UQCR10: variants seen among roughly 807,000 people sequenced by gnomAD.
The protein encoded by UQCR10 is cytochrome b-c1 complex subunit 9.
UQCR10 carries 5 observed loss-of-function variants against 6.0 expected under a neutral mutation model. The ratio of observed to expected loss-of-function variants is 0.83; its 90% confidence interval spans 0.43 to 1.74. The LOEUF is 1.74. Ranked by LOEUF, UQCR10 falls within the 40% of genes most tolerant of loss-of-function variation. The pLI, the probability that UQCR10 is intolerant of heterozygous loss-of-function variation, is 0.02. For missense variants in UQCR10, 101 were observed against 85.1 expected, an observed-to-expected ratio of 1.19 and a Z score of -0.74; for synonymous variants, 40 against 37.4, an observed-to-expected ratio of 1.07 and a Z score of -0.26.
At position 29,767,554 on chromosome 22, in the gene UQCR10, G is replaced by T. The variant is rs750596956; in HGVS notation, c.150+6G>T. 4 of 1,612,856 alleles carry T rather than the reference G, an allele frequency of 2.5e-6. No homozygotes were observed. The highest frequency in any genetic ancestry group is 3.4e-6 in the Non-Finnish European group (4 of 1,179,106). ...ACGACCACATCAACGAGGGGGTGAG[G>T]GCCTGTGCCATCCCTGACCTTGGAC... On this transcript the variant is annotated splice_donor_region_variant and intron_variant, in intron 1 of 1. Transcript: ENST00000330029.
intron 1 of UQCR10, among the ~76,000 whole-genome samples, chr22:29,768,559 T>G (rs2068241127): frequency 6.6e-6 from 1 of 152,146 alleles, no homozygotes; most frequent in African/African-American, 2.4e-5. Context: ...TGTTAACCAC[T>G]CCCATTGATC....
chr22:29,769,468 G>C lies in UQCR10; in HGVS notation c.151-210G>C, dbSNP rs562925841. On this transcript the variant is annotated intron_variant, in intron 1 of 1. Transcript: ENST00000330029. ...GCCGAGATTGCGCCACTACACTCCAGCCTGGGCGATAGAGCGAGTCTCCGT... is the reference window on the plus strand; with the variant it reads ...GCCGAGATTGCGCCACTACACTCCACCCTGGGCGATAGAGCGAGTCTCCGT... Among the ~76,000 whole-genome samples, 677 of 152,242 alleles carry C rather than the reference G, an allele frequency of 4.4e-3. 1 individual carries two copies. Among genetic ancestry groups the C allele is most frequent in the Non-Finnish European group, 5.6e-3 (383 of 68,032 alleles).
In UQCR10 at chr22:29,770,041, G is replaced by C; in HGVS notation, c.*322G>C. 2.1e-6 allele frequency: 1 copy of C among 477,522 alleles called. No individual in the cohort carries two copies. Among genetic ancestry groups the C allele is most frequent in the Non-Finnish European group, 4.0e-6 (1 of 251,380 alleles). 29.6% of individuals were successfully genotyped at this position (477,522 alleles called of 1,614,324 possible). On this transcript the variant is annotated 3_prime_UTR_variant, in exon 2 of 2. Transcript: ENST00000330029. ...AAAGCCCTCTGCAAACACCCCAAAGGCAGAATCTGCTATTTTGAGTTTTCC... is the reference window on the plus strand; with the variant it reads ...AAAGCCCTCTGCAAACACCCCAAAGCCAGAATCTGCTATTTTGAGTTTTCC...
chr22:29,769,445 C>T (rs541753666), intron 1 of UQCR10, among the ~76,000 whole-genome samples: 6 of 152,048 alleles, frequency 3.9e-5, no homozygotes, highest in East Asian at 3.9e-4. Flanking sequence ...TGCAGTGAGC[C>T]GAGATTGCGC....
intron 1 of UQCR10, among the ~76,000 whole-genome samples, chr22:29,768,627 G>T (rs140136): frequency 0.5 from 69,274 of 138,140 alleles, 16,330 homozygotes; most frequent in East Asian, 0.62. Context: ...GCTTTTTTTT[G>T]TTTTGTTTTG....
chr22:29,770,328 T>C lies in UQCR10; in HGVS notation c.*609T>C. The C allele has an allele frequency of 4.9e-6, 1 of 204,392 alleles. No individual in the cohort carries two copies. Among genetic ancestry groups the C allele is most frequent in the South Asian group, 8.1e-5 (1 of 12,396 alleles). 12.7% of individuals were successfully genotyped at this position (204,392 alleles called of 1,614,324 possible). A position where few individuals can be genotyped will look rare whatever the true frequency, so the allele number is the denominator to read the frequency against. Reference sequence around the variant, plus strand: ...GAATTGTCTTGGGCCACACATAAAATACAGTAACCATAGCTGATGAGCTAA... The same window carrying C: ...GAATTGTCTTGGGCCACACATAAAACACAGTAACCATAGCTGATGAGCTAA... On this transcript the variant is annotated 3_prime_UTR_variant, in exon 2 of 2. Coordinates refer to ENST00000330029, the MANE Select transcript of UQCR10 (RefSeq NM_013387.4).
At chr22:29,768,962 T>G (rs1227272069) in intron 1 of UQCR10, among the ~76,000 whole-genome samples, 1 of 152,184 alleles carries the variant, frequency 6.6e-6, no homozygotes, top group Non-Finnish European at 1.5e-5. Flanking sequence ...TCAGCCAATT[T>G]AGGTCCCAGG....
At chr22:29,768,882 C>T (rs1162747568) in intron 1 of UQCR10, among the ~76,000 whole-genome samples, 1 of 152,186 alleles carries the variant, frequency 6.6e-6, no homozygotes, top group Non-Finnish European at 1.5e-5. Context: ...CTGCCTTAGC[C>T]TTCTAAAGTA....
chr22:29,769,117 C>T (rs1331359257), intron 1 of UQCR10, among the ~76,000 whole-genome samples: 5 of 152,192 alleles, frequency 3.3e-5, no homozygotes, highest in Non-Finnish European at 5.9e-5. Context: ...CCCTCAATCT[C>T]AAACTGAATT....
rs763855413 is a variant in UQCR10, at chr22:29,769,787, A to T, written c.*68A>T. ...CCAGCAGCTGTTTGCCCAGAGCTGG[A>T]GCCTCAGCTTGAAGATGATGCTCAA... On this transcript the variant is annotated 3_prime_UTR_variant, in exon 2 of 2. Coordinates refer to ENST00000330029, the MANE Select transcript of UQCR10 (RefSeq NM_013387.4). The T allele has an allele frequency of 8.6e-5, 132 of 1,540,978 alleles. No individual in the cohort carries two copies. Among genetic ancestry groups the T allele is most frequent in the Non-Finnish European group, 1.1e-4 (126 of 1,130,068 alleles).
chr22:29,767,940 A>C (rs2068235535), intron 1 of UQCR10, among the ~76,000 whole-genome samples: 1 of 152,146 alleles, frequency 6.6e-6, no homozygotes, highest in African/African-American at 2.4e-5. Context: ...GGTCGTGAAA[A>C]GGACGTTAGA....
chr22:29,768,268 A>G (rs890704701), intron 1 of UQCR10, among the ~76,000 whole-genome samples: 5 of 152,176 alleles, frequency 3.3e-5, no homozygotes, highest in African/African-American at 1.2e-4. Flanking sequence ...CTCAGGAGAA[A>G]GTGGAAGCAT....
chr22:29,769,010 C>G (rs748988580), intron 1 of UQCR10, among the ~76,000 whole-genome samples: 2 of 152,168 alleles, frequency 1.3e-5, no homozygotes, highest in Non-Finnish European at 2.9e-5. Context: ...TATTTTGGGA[C>G]TACGCACTTA....
At chr22:29,768,923 A>T in intron 1 of UQCR10, among the ~76,000 whole-genome samples, 1 of 152,174 alleles carries the variant, frequency 6.6e-6, no homozygotes. Flanking sequence ...CACTGTGCTC[A>T]ACCTCTTGTG....
At position 29,767,423 on chromosome 22, in the gene UQCR10, A is replaced by C. The variant is rs771003671; in HGVS notation, c.25A>C (p.Lys9Gln). 1.9e-6 allele frequency: 3 copies of C among 1,613,422 alleles called. No individual in the cohort carries two copies. The highest frequency in any genetic ancestry group is 1.7e-5 in the Admixed American group (1 of 59,998). The change falls in exon 1 of 2, where the codon AAA becomes CAA. Residue 9 changes from lysine (K) to glutamine (Q), a missense_variant. Coordinates refer to ENST00000330029, the MANE Select transcript of UQCR10 (RefSeq NM_013387.4). MAAATLTSKLYSLLFRRTS... is the reference protein window; with the variant it reads MAAATLTSQLYSLLFRRTS... Reference sequence around the variant, plus strand: ...CATGGCGGCCGCGACGTTGACTTCGAAATTGTACTCCCTGCTGTTCCGCAG... The same window carrying C: ...CATGGCGGCCGCGACGTTGACTTCGCAATTGTACTCCCTGCTGTTCCGCAG...
intron 1 of UQCR10, 78 bp from the exon 2 acceptor site, chr22:29,769,600 G>A: frequency 7.0e-7 from 1 of 1,431,400 alleles, no homozygotes; most frequent in Non-Finnish European, 9.5e-7. Context: ...GCTCATTTTA[G>A]AGACCAGGGC....
chr22:29,769,577 G>A, intron 1 of UQCR10, 101 bp from the exon 2 acceptor site: 2 of 1,290,140 alleles, frequency 1.6e-6, no homozygotes, highest in South Asian at 1.4e-5. Context: ...GACATGGCAT[G>A]TGTTTCCCCC....
At chr22:29,767,757 G>T in intron 1 of UQCR10, 1 of 816,240 alleles carries the variant, frequency 1.2e-6, no homozygotes, top group South Asian at 2.1e-5. Context: ...TGCAGGGGTT[G>T]TAAGTATTGC....
Position 29,767,397 on chromosome 22 carries a change from A to C in UQCR10, c.-2A>C. 6.2e-7 allele frequency: 1 copy of C among 1,612,620 alleles called. No individual in the cohort carries two copies. Among genetic ancestry groups the C allele is most frequent in the Non-Finnish European group, 8.5e-7 (1 of 1,179,378 alleles). On this transcript the variant is annotated 5_prime_UTR_variant, in exon 1 of 2. Coordinates refer to ENST00000330029, the MANE Select transcript of UQCR10 (RefSeq NM_013387.4). ...GTGGCGCGAGTTGGACTGTGAAGAA[A>C]CATGGCGGCCGCGACGTTGACTTCG...
Sources: allele counts gnomAD v4.1 joint callset (sites outside exome capture counted in the v4.1 genomes callset), GRCh38; gene constraint gnomAD v4.1.1; transcripts MANE v1.5; gene names NCBI Gene and HGNC (gene_info 2026-07-23, HGNC 2026-07-21).